Variants in SKA3 observed in about 807,000 individuals in gnomAD.
SKA3 encodes the protein spindle and kinetochore-associated protein 3.
A neutral mutation model predicts 44.2 loss-of-function variants in SKA3; 39 were observed. The observed-to-expected ratio is 0.88, with a 90% CI of 0.68 to 1.15. SKA3 has a LOEUF of 1.15. Ranked by LOEUF, SKA3 falls within the 50% of genes most tolerant of loss-of-function variation. The probability of loss-of-function intolerance (pLI) is 0.00; values close to 1 mark genes in which losing one functional copy is unlikely to be tolerated. For missense variants in SKA3, 511 were observed against 485.8 expected, an observed-to-expected ratio of 1.05 and a Z score of -0.49; for synonymous variants, 192 against 172.0, an observed-to-expected ratio of 1.12 and a Z score of -0.91.
chr13:21,161,981 A>T (rs1363890598), intron 4 of SKA3, 106 bp from the exon 5 acceptor site: 2 of 705,422 alleles, frequency 2.8e-6, no homozygotes, highest in Non-Finnish European at 4.7e-6. Context: ...ACATTCAGTT[A>T]TGCTTTATGG....
chr13:21,165,583 G>A (rs1870665298), intron 4 of SKA3, among the ~76,000 whole-genome samples: 2 of 152,080 alleles, frequency 1.3e-5, no homozygotes, highest in South Asian at 4.2e-4. Flanking sequence ...AAATGGCCTA[G>A]AAGTGCAACA....
chr13:21,161,810 A>G lies in SKA3; in HGVS notation c.809T>C (p.Ile270Thr). Residue 270 changes from isoleucine to threonine, a missense_variant, in exon 5 of 9, where the codon ATC (isoleucine) becomes ACC (threonine). Coordinates refer to ENST00000314759, the MANE Select transcript of SKA3 (RefSeq NM_145061.6). Reference protein sequence around the residue: ...DNVFATPSPIIQQLEKSDAEY... With the variant: ...DNVFATPSPITQQLEKSDAEY... ...CTTACCACTTTTTTCCAACTGCTGG[A>G]TGATGGGGCTGGGAGTGGCAAAAAC... is the stretch of plus-strand genomic sequence containing the variant. 6.2e-7 allele frequency: 1 copy of G among 1,611,836 alleles called. No homozygotes were observed. The highest frequency in any genetic ancestry group is 8.5e-7 in the Non-Finnish European group (1 of 1,178,594).
At position 21,172,515 on chromosome 13, in the gene SKA3, TAAAG is replaced by T. The variant is rs761334520; in HGVS notation, c.166-15_166-12del. ...AATATTAACATCATCCTTTTATGAA[TAAAG>T]AAAGTACATTTTAATTTCTCTAACT... On this transcript the variant is annotated splice_polypyrimidine_tract_variant and intron_variant, in intron 2 of 8. Transcript: ENST00000314759. 3.2e-6 allele frequency: 5 copies of T among 1,552,730 alleles called. No individual in the cohort carries two copies. The highest frequency in any genetic ancestry group is 4.4e-6 in the Non-Finnish European group (5 of 1,149,060).
intron 5 of SKA3, among the ~76,000 whole-genome samples, chr13:21,160,710 C>G (rs1158939794): frequency 6.6e-6 from 1 of 152,112 alleles, no homozygotes; most frequent in African/African-American, 2.4e-5. Flanking sequence ...GCCCTTTGAC[C>G]TGGCAATTCT....
At chr13:21,171,427 A>G (rs573728846) in intron 3 of SKA3, among the ~76,000 whole-genome samples, 6 of 152,022 alleles carry the variant, frequency 3.9e-5, no homozygotes, top group African/African-American at 1.4e-4. Flanking sequence ...ATACAAAAAA[A>G]TTAGCTGGGC....
At chr13:21,155,176 T>C (rs1243771327) in intron 8 of SKA3, 26 bp from the exon 9 acceptor site, 5 of 1,228,496 alleles carry the variant, frequency 4.1e-6, no homozygotes, top group South Asian at 1.7e-5. Context: ...ATAACAAATA[T>C]CAATTTAATA....
In SKA3 at chr13:21,176,546, C is replaced by G; in HGVS notation, c.-69G>C. Reference sequence around the variant, plus strand: ...CCGCTCAGCTCACAGCCTCCCGCCACTAGTTTGAATCTCGGCGCCGGACGC... The same window carrying G: ...CCGCTCAGCTCACAGCCTCCCGCCAGTAGTTTGAATCTCGGCGCCGGACGC... On this transcript the variant is annotated 5_prime_UTR_variant, in exon 1 of 9. Transcript: ENST00000314759. 1 of 1,258,386 alleles carries G rather than the reference C, an allele frequency of 7.9e-7. No homozygotes were observed. The highest frequency in any genetic ancestry group is 1.1e-6 in the Non-Finnish European group (1 of 935,398). 78.0% of individuals were successfully genotyped at this position (1,258,386 alleles called of 1,614,324 possible).
At chr13:21,173,204 T>C (rs199826521) in intron 1 of SKA3, among the ~76,000 whole-genome samples, 3 of 152,168 alleles carry the variant, frequency 2.0e-5, no homozygotes, top group African/African-American at 4.8e-5. Context: ...AGTAGAACTC[T>C]AGAAGCCCTC....
Position 21,155,008 on chromosome 13 carries a change from A to C in SKA3, c.*142T>G, listed in dbSNP as rs1176754213. ...GAAACTTCATAAAAAGCATATTATG[A>C]TGTTAATGTTCATGTTTGTCTTTAA... is the stretch of plus-strand genomic sequence containing the variant. On this transcript the variant is annotated 3_prime_UTR_variant, in exon 9 of 9. Transcript: ENST00000314759. 7.5e-7 allele frequency: 1 copy of C among 1,326,920 alleles called. No homozygotes were observed. Among genetic ancestry groups the C allele is most frequent in the East Asian group, 2.4e-5 (1 of 40,936 alleles). The allele number at this position is 1,326,920 out of a possible 1,614,324, so 82.2% of individuals were successfully genotyped here. A position where few individuals can be genotyped will look rare whatever the true frequency, so the allele number is the denominator to read the frequency against.
At chr13:21,163,401 T>TTA (rs1565993607) in intron 4 of SKA3, among the ~76,000 whole-genome samples, 1 of 152,154 alleles carries the variant, frequency 6.6e-6, no homozygotes, top group East Asian at 1.9e-4. Context: ...AATAATAGTG[T>TTA]TATATATATA....
At chr13:21,155,632 A>T in intron 8 of SKA3, 61 bp downstream of exon 8, 1 of 893,688 alleles carries the variant, frequency 1.1e-6, no homozygotes, top group Non-Finnish European at 1.7e-6. Context: ...GTCAAATGTT[A>T]ATTTTTAAAT....
rs764859201 is a variant in SKA3, at chr13:21,176,432, T to G, written c.46A>C (p.Ser16Arg). The change falls in exon 1 of 9, where the codon AGC becomes CGC. Residue 16 changes from serine to arginine, a missense_variant. Physicochemically the swap from Ser to Arg is moderately radical, Grantham distance 110. Coordinates refer to ENST00000314759, the MANE Select transcript of SKA3 (RefSeq NM_145061.6). Reference protein sequence around the residue: ...SFCGKLRSLASTLDCETARLQ... With the variant: ...SFCGKLRSLARTLDCETARLQ... ...CGGGCCGTCTCGCAGTCCAGCGTGC[T>G]GGCCAGAGACCGCAGCTTCCCGCAG... is the stretch of plus-strand genomic sequence containing the variant. 1.9e-6 allele frequency: 3 copies of G among 1,585,402 alleles called. No homozygotes were observed. In the South Asian group the frequency reaches 3.4e-5, roughly 18 times the overall value.
At chr13:21,170,621 T>A (rs1021326335) in intron 3 of SKA3, among the ~76,000 whole-genome samples, 1 of 152,250 alleles carries the variant, frequency 6.6e-6, no homozygotes, top group African/African-American at 2.4e-5. Context: ...ATGCTTTCTG[T>A]TACTTTTGAG....
In SKA3 at chr13:21,159,913, T is replaced by C. The variant is rs1379972152; in HGVS notation, c.904A>G (p.Ser302Gly). ...PGLKIPSTKN[S>G]IALVSTNYPL... is the part of the protein sequence containing the mutation. ...TTATGGAAAGTTACCAAAGCTATGC[T>C]GTTCTTTGTAGATGGAATTTTCAAA... The change falls in exon 6 of 9, where the codon AGC (serine) becomes GGC (glycine). Residue 302 changes from serine to glycine, a missense_variant. Ser to Gly is a moderately conservative substitution (Grantham distance 56). Transcript: ENST00000314759. 6.2e-7 allele frequency: 1 copy of C among 1,607,278 alleles called. No homozygotes were observed. The highest frequency in any genetic ancestry group is 8.5e-7 in the Non-Finnish European group (1 of 1,177,428).
At chr13:21,159,542 T>C (rs1870318084) in intron 6 of SKA3, among the ~76,000 whole-genome samples, 1 of 152,218 alleles carries the variant, frequency 6.6e-6, no homozygotes. Flanking sequence ...ATAGTATATG[T>C]AACACCTGAT....
intron 6 of SKA3, among the ~76,000 whole-genome samples, chr13:21,159,253 T>C (rs1870303117): frequency 6.6e-6 from 1 of 152,212 alleles, no homozygotes; most frequent in Non-Finnish European, 1.5e-5. Context: ...TGGTTTTCTA[T>C]AGCATTGGTT....
Position 21,168,003 on chromosome 13 carries a change from G to A in SKA3, c.728C>T (p.Ala243Val), listed in dbSNP as rs746258035. The A allele has an allele frequency of 3.4e-5, 53 of 1,577,750 alleles. No homozygotes were observed. The highest frequency in any genetic ancestry group is 2.1e-4 in the South Asian group (18 of 85,660). Residue 243 changes from alanine (A) to valine (V), a missense_variant, in exon 4 of 9, where the codon GCG becomes GTG. Physicochemically the swap from Ala to Val is moderately conservative, Grantham distance 64 (BLOSUM62 0). Coordinates refer to ENST00000314759, the MANE Select transcript of SKA3 (RefSeq NM_145061.6). ...NEDYTMGLKN[A>V]RNNKSEEAID... is the part of the protein sequence containing the mutation. ...AGCTGCTTACCTTTTATTATTCCTC[G>A]CATTTTTAAGTCCCATTGTGTAATC...
At chr13:21,162,506 C>T (rs573156133) in intron 4 of SKA3, among the ~76,000 whole-genome samples, 141 of 152,152 alleles carry the variant, frequency 9.3e-4, no homozygotes, top group Admixed American at 5.7e-3. Flanking sequence ...GCTGGGACTA[C>T]AGGCATACAC....
chr13:21,157,303 T>C (rs546572167), intron 7 of SKA3, among the ~76,000 whole-genome samples: 47 of 152,246 alleles, frequency 3.1e-4, no homozygotes, highest in Middle Eastern at 3.2e-3. Context: ...GATTTCATCA[T>C]GTGTGAACAT....
Sources: gnomAD v4.1 joint callset for allele counts (sites outside exome capture counted in the v4.1 genomes callset) on GRCh38, gnomAD v4.1.1 for gene constraint, MANE v1.5 for transcripts, NCBI Gene and HGNC (gene_info 2026-07-23, HGNC 2026-07-21) for gene names.